The following N4BP2L2 variants were observed in gnomAD, a reference collection of about 807,000 sequenced individuals.
N4BP2L2 encodes NEDD4-binding protein 2-like 2.
In N4BP2L2, 50 loss-of-function variants were observed where a neutral mutation model predicts 56.2. The observed-to-expected ratio is 0.89, with a 90% CI of 0.71 to 1.13. The LOEUF (loss-of-function observed/expected upper bound fraction) is 1.13, where lower values mean the gene tolerates loss of function less well. Among genes scored for constraint, N4BP2L2 ranks in the 50% most tolerant of loss-of-function variants. The pLI, the probability that N4BP2L2 is intolerant of heterozygous loss-of-function variation, is 0.00. For missense variants in N4BP2L2, 689 were observed against 693.8 expected (o/e 0.99, Z 0.08); for synonymous variants, 203 against 223.6 (o/e 0.91, Z 0.82).
At chr13:32,477,041 A>T (rs2083485984) in intron 6 of N4BP2L2, among the ~76,000 whole-genome samples, 1 of 152,168 alleles carries the variant, frequency 6.6e-6, no homozygotes, top group Non-Finnish European at 1.5e-5. Context: ...CCATGCCTTT[A>T]GTGAAGAGGA....
intron 6 of N4BP2L2, among the ~76,000 whole-genome samples, chr13:32,462,861 TAAAAAA>T (rs569068082): frequency 2.0e-5 from 1 of 51,092 alleles, no homozygotes. Flanking sequence ...CTGTCTTTAC[TAAAAAA>T]AAAAAAAAAA....
At chr13:32,450,034 T>C (rs192884833) in intron 6 of N4BP2L2, among the ~76,000 whole-genome samples, 14 of 152,340 alleles carry the variant, frequency 9.2e-5, no homozygotes, top group Non-Finnish European at 7.3e-5. Flanking sequence ...GAAGTTTAAC[T>C]AGCATAATAA....
At chr13:32,536,026 G>T in exon 2 of N4BP2L2, 2 of 1,613,884 alleles carry the variant, frequency 1.2e-6, no homozygotes, top group South Asian at 2.2e-5. Context: ...TATATTCATT[G>T]TTCTGATCAA....
chr13:32,511,588 T>C (rs1258187355), exon 6 of N4BP2L2: 1 of 152,096 alleles, frequency 6.6e-6, no homozygotes, highest in African/African-American at 2.4e-5. Context: ...ACCCACAGGG[T>C]CAGGAAACTA....
intron 6 of N4BP2L2, among the ~76,000 whole-genome samples, chr13:32,497,670 T>G (rs1386524127): frequency 2.0e-5 from 3 of 152,218 alleles, no homozygotes; most frequent in Non-Finnish European, 2.9e-5. Context: ...GAGACTACAC[T>G]ATCAGAACAG....
intron 3 of N4BP2L2, among the ~76,000 whole-genome samples, chr13:32,525,944 GCAGA>G (rs1318139263): frequency 6.8e-6 from 1 of 147,540 alleles, no homozygotes; most frequent in African/African-American, 2.6e-5. Context: ...GAACTTGACA[GCAGA>G]CAGAGGGAAG....
At chr13:32,472,438 A>G (rs2082486987) in intron 6 of N4BP2L2, among the ~76,000 whole-genome samples, 1 of 152,168 alleles carries the variant, frequency 6.6e-6, no homozygotes, top group Admixed American at 6.5e-5. Flanking sequence ...ATATAATGCC[A>G]CTGGTAAGCA....
intron 5 of N4BP2L2, 49 bp downstream of exon 5, chr13:32,521,320 TCACA>T (rs1211294101): frequency 7.6e-7 from 1 of 1,318,504 alleles, no homozygotes; most frequent in Non-Finnish European, 1.1e-6. Flanking sequence ...ATGTCAGAAT[TCACA>T]AAAGAAAGAA....
In N4BP2L2 at chr13:32,538,602, CG is replaced by C. The variant is rs553161841; in HGVS notation, c.-1+15del. 27 of 984,528 alleles carry C rather than the reference CG, an allele frequency of 2.7e-5. No homozygotes were observed. The African/African-American group carries it at 4.5e-4, about 17-fold the overall frequency. The allele number at this position is 984,528 out of a possible 1,614,324, so 61.0% of individuals were successfully genotyped here. The stretch of plus-strand genomic sequence containing the variant: ...ACCACCGCCCCACCCTCACCTAAAA[CG>C]GGGTGTCTACTCACCTTACTCTACC... On this transcript the variant is annotated intron_variant, in intron 1 of 5. Coordinates refer to ENST00000267068, the Ensembl canonical transcript of N4BP2L2.
chr13:32,434,688 C>G (rs1279485588), intron 9 of N4BP2L2, among the ~76,000 whole-genome samples: 1 of 152,128 alleles, frequency 6.6e-6, no homozygotes, highest in East Asian at 1.9e-4. Flanking sequence ...CTGCTATTTC[C>G]CTGTTTCTAA....
intron 5 of N4BP2L2, among the ~76,000 whole-genome samples, chr13:32,520,422 A>T (rs2050506442): frequency 6.6e-6 from 1 of 151,704 alleles, no homozygotes; most frequent in Non-Finnish European, 1.5e-5. Context: ...TGGGAGGCCG[A>T]GCAAGGTGGG....
intron 6 of N4BP2L2, among the ~76,000 whole-genome samples, chr13:32,484,428 A>C (rs2085434185): frequency 6.6e-6 from 1 of 152,166 alleles, no homozygotes; most frequent in Admixed American, 6.6e-5. Flanking sequence ...AATATAGCTA[A>C]AGGTTTTTCA....
chr13:32,490,084 A>C (rs2086719309), intron 6 of N4BP2L2: 1 of 151,946 alleles, frequency 6.6e-6, no homozygotes, highest in South Asian at 2.1e-4. Flanking sequence ...CTACACACAT[A>C]ATCTTACCCT....
At position 32,527,448 on chromosome 13, in the gene N4BP2L2, A is replaced by G. The variant is rs527731656; in HGVS notation, c.1344T>C (p.Val448=). ...AGTCATGGGCATCACCAAGTTGATT[A>G]ACATTATACCTGTACCCATCTTGAT... The change falls in exon 3 of 6, where the codon GTT becomes GTC. Residue 448 remains valine (V), a synonymous_variant. Coordinates refer to ENST00000267068, the Ensembl canonical transcript of N4BP2L2. 1.1e-5 allele frequency: 18 copies of G among 1,614,082 alleles called. No individual in the cohort carries two copies. In the African/African-American group the frequency reaches 2.3e-4, roughly 20 times the overall value.
upstream of N4BP2L2, chr13:32,538,799 C>T (rs1182361903): frequency 5.1e-6 from 5 of 985,352 alleles, no homozygotes; most frequent in Non-Finnish European, 6.0e-6. Flanking sequence ...AGATGGCGGT[C>T]ACCTCTCGGT....
exon 6 of N4BP2L2, chr13:32,512,571 AAG>A (rs2048350752): frequency 6.6e-6 from 1 of 152,234 alleles, no homozygotes; most frequent in African/African-American, 2.4e-5. Context: ...AAGGAAGAAA[AAG>A]AGATTATGAA....
rs1555246907 is a variant in N4BP2L2, at chr13:32,458,034, T to TTTTTGTTTTGTTTTGTTTTGTTTTTTG, written c.366-13935_366-13909dup. Among the ~76,000 whole-genome samples the TTTTTGTTTTGTTTTGTTTTGTTTTTTG allele has an allele frequency of 4.0e-3, 607 of 152,040 alleles. 3 individuals are homozygous for TTTTTGTTTTGTTTTGTTTTGTTTTTTG. The highest frequency in any genetic ancestry group is 0.014 in the African/African-American group (561 of 41,492). Reference sequence around the variant, plus strand: ...ATACAGACTGGCTGTATTGATTTGTTTTTTGTTTTGTTTTGTTTTGTTTTT... The same window carrying TTTTTGTTTTGTTTTGTTTTGTTTTTTG: ...ATACAGACTGGCTGTATTGATTTGTTTTTTGTTTTGTTTTGTTTTGTTTTTTGTTTTGTTTTGTTTTGTTTTGTTTTT... On this transcript the variant is annotated intron_variant, in intron 6 of 9. Coordinates refer to the N4BP2L2 transcript ENST00000357505.
In N4BP2L2 at chr13:32,452,101, G is replaced by A. The variant is rs367870954; in HGVS notation, c.366-7975C>T. Among the ~76,000 whole-genome samples, 27 of 128,158 alleles carry A rather than the reference G, an allele frequency of 2.1e-4. No individual in the cohort carries two copies. In the South Asian group the frequency reaches 6.4e-3, roughly 30 times the overall value. The allele number at this position is 128,158 out of a possible 152,430, so 84.1% of individuals were successfully genotyped here. ...TTTGGGATGGAGTTTCACTCTCCTT[G>A]CCCAGGCTGGAGTGCAATGGTGCAA... On this transcript the variant is annotated intron_variant, in intron 6 of 9. Coordinates refer to the N4BP2L2 transcript ENST00000357505.
At chr13:32,439,411 G>GT (rs1054861202) in intron 7 of N4BP2L2, among the ~76,000 whole-genome samples, 39 of 152,256 alleles carry the variant, frequency 2.6e-4, no homozygotes, top group African/African-American at 9.1e-4. Flanking sequence ...TGCACTCAAG[G>GT]TAAGCGAGGC....
Sources: gnomAD v4.1 joint callset for allele counts (sites outside exome capture counted in the v4.1 genomes callset) on GRCh38, gnomAD v4.1.1 for gene constraint, MANE v1.5 for transcripts, NCBI Gene and HGNC (gene_info 2026-07-23, HGNC 2026-07-21) for gene names.